Variants in C16orf86 observed in about 807,000 individuals in gnomAD.
C16orf86 encodes uncharacterized protein C16orf86.
Under a neutral mutation model 21.5 loss-of-function variants are expected in C16orf86, and 19 were observed. The observed-to-expected ratio is 0.88, with a 90% CI of 0.62 to 1.30. The LOEUF (loss-of-function observed/expected upper bound fraction) is 1.30. Ranked by LOEUF, C16orf86 falls within the 50% of genes most tolerant of loss-of-function variation. C16orf86 has a pLI of 0.00. For missense variants in C16orf86, 391 were observed against 415.8 expected (o/e 0.94, Z 0.52); for synonymous variants, 188 against 183.5 (o/e 1.02, Z -0.20).
Position 67,668,216 on chromosome 16 carries a change from G to A in C16orf86, c.570G>A (p.Leu190=), listed in dbSNP as rs2053130913. The change falls in exon 4 of 4, where the codon CTG becomes CTA. Residue 190 remains leucine (L), a synonymous_variant. Transcript: ENST00000403458. ...TCTTTGCAGGAAAGGCCCAGCGCCT[G>A]CGGCCGCTGTACCAGTACGTCAACT... ...TLRLERKAQR[L]RPLYQYVNYC... is the part of the protein sequence containing the mutation. The A allele has an allele frequency of 2.5e-6, 4 of 1,578,636 alleles. No homozygotes were observed. Among genetic ancestry groups the A allele is most frequent in the East Asian group, 2.2e-5 (1 of 44,452 alleles).
At position 67,666,889 on chromosome 16, in the gene C16orf86, C is replaced by G. The variant is rs1025623971; in HGVS notation, c.-82C>G. ...TCTGCCCTCGCTTGCTGGCCGGTCTCCGGGGTCAGCGCGGGGCCACCATCC... is the reference window on the plus strand; with the variant it reads ...TCTGCCCTCGCTTGCTGGCCGGTCTGCGGGGTCAGCGCGGGGCCACCATCC... On this transcript the variant is annotated 5_prime_UTR_variant, in exon 1 of 4. Coordinates refer to ENST00000403458, the MANE Select transcript of C16orf86 (RefSeq NM_001012984.3). 2 of 986,946 alleles carry G rather than the reference C, an allele frequency of 2.0e-6. No individual in the cohort carries two copies. Among genetic ancestry groups the G allele is most frequent in the Non-Finnish European group, 2.8e-6 (2 of 717,414 alleles). The allele number at this position is 986,946 out of a possible 1,614,324, so 61.1% of individuals were successfully genotyped here. A position where few individuals can be genotyped will look rare whatever the true frequency, so the allele number is the denominator to read the frequency against.
At position 67,667,143 on chromosome 16, in the gene C16orf86, A is replaced by AC. The variant is rs546589382; in HGVS notation, c.102+74dup. On this transcript the variant is annotated intron_variant, in intron 1 of 3. Transcript: ENST00000403458. ...CTGAGAGGTGGAACTGAGCGCCCCG[A>AC]CCCGCTAACTGCCAGGCTGGGCCCT... is the stretch of plus-strand genomic sequence containing the variant. The AC allele has an allele frequency of 8.5e-4, 1,226 of 1,436,782 alleles. 7 individuals are homozygous for AC. The African/African-American group carries it at 0.015, about 18-fold the overall frequency. 89.0% of individuals were successfully genotyped at this position (1,436,782 alleles called of 1,614,324 possible).
Position 67,668,677 on chromosome 16 carries a change from T to C in C16orf86, c.*77T>C, listed in dbSNP as rs2053138651. 7.2e-7 allele frequency: 1 copy of C among 1,387,076 alleles called. No individual in the cohort carries two copies. Among genetic ancestry groups the C allele is most frequent in the South Asian group, 1.2e-5 (1 of 82,284 alleles). The allele number at this position is 1,387,076 out of a possible 1,614,324, so 85.9% of individuals were successfully genotyped here. On this transcript the variant is annotated 3_prime_UTR_variant, in exon 4 of 4. Coordinates refer to ENST00000403458, the MANE Select transcript of C16orf86 (RefSeq NM_001012984.3). ...AGGCTTCCTGTGGGCCTAGGCCCTCTGGTGGCGGGGGCAAATTTGGCACCT... is the reference window on the plus strand; with the variant it reads ...AGGCTTCCTGTGGGCCTAGGCCCTCCGGTGGCGGGGGCAAATTTGGCACCT...
intron 1 of C16orf86, 70 bp from the exon 2 acceptor site, chr16:67,667,226 G>A (rs2053116226): frequency 6.7e-7 from 1 of 1,499,450 alleles, no homozygotes; most frequent in African/African-American, 1.4e-5. Flanking sequence ...TCTAACGTTA[G>A]GTGTTCAGTG....
intron 3 of C16orf86, 33 bp from the exon 4 acceptor site, chr16:67,668,167 C>T: frequency 7.6e-6 from 12 of 1,583,426 alleles, no homozygotes; most frequent in South Asian, 1.1e-5. Flanking sequence ...CAACCTGGCG[C>T]TCTAGCCTCT....
Position 67,668,541 on chromosome 16 carries a change from A to G in C16orf86, c.895A>G (p.Lys299Glu), listed in dbSNP as rs1373561026. Reference protein sequence around the residue: ...VDKSTQVDIDKMLSVCTAPLV... With the variant: ...VDKSTQVDIDEMLSVCTAPLV... ...TAAGTCAACCCAGGTGGACATCGAC[A>G]AGATGCTGAGTGTCTGCACTGCTCC... The change falls in exon 4 of 4, where the codon AAG (lysine) becomes GAG (glutamate). Residue 299 changes from lysine (K) to glutamate (E), a missense_variant. Transcript: ENST00000403458. 3 of 1,613,512 alleles carry G rather than the reference A, an allele frequency of 1.9e-6. No individual in the cohort carries two copies. Among genetic ancestry groups the G allele is most frequent in the Non-Finnish European group, 2.5e-6 (3 of 1,179,884 alleles).
chr16:67,667,066 C>T lies in C16orf86; in HGVS notation c.96C>T (p.Thr32=), dbSNP rs1378618991. Residue 32 remains threonine, a synonymous_variant, in exon 1 of 4, where the codon ACC becomes ACT. Coordinates refer to ENST00000403458, the MANE Select transcript of C16orf86 (RefSeq NM_001012984.3). ...QLTEEPGSAQ[T]SECPVAGDQF... ...CGGAGGAGCCCGGCAGCGCTCAGAC[C>T]TCCGAGGTGACCGTCAGGCTGTTTA... 1.4e-6 allele frequency: 2 copies of T among 1,455,992 alleles called. No homozygotes were observed. The highest frequency in any genetic ancestry group is 2.6e-5 in the Admixed American group (1 of 37,992). 90.2% of individuals were successfully genotyped at this position (1,455,992 alleles called of 1,614,324 possible). A position where few individuals can be genotyped will look rare whatever the true frequency, so the allele number is the denominator to read the frequency against.
chr16:67,668,569 T>G lies in C16orf86; in HGVS notation c.923T>G (p.Leu308Arg). Reference protein sequence around the residue: ...DKMLSVCTAPLVPPLSPQYK With the variant: ...DKMLSVCTAPRVPPLSPQYK ...ATGCTGAGTGTCTGCACTGCTCCAC[T>G]TGTCCCCCCGCTCTCTCCTCAGTAC... Residue 308 changes from leucine to arginine, a missense_variant, in exon 4 of 4, where the codon CTT becomes CGT. Transcript: ENST00000403458. The G allele has an allele frequency of 6.2e-7, 1 of 1,613,486 alleles. No homozygotes were observed. Among genetic ancestry groups the G allele is most frequent in the Non-Finnish European group, 8.5e-7 (1 of 1,179,864 alleles).
intron 1 of C16orf86, 49 bp from the exon 2 acceptor site, chr16:67,667,243 CCCTA>C: frequency 1.3e-6 from 2 of 1,550,532 alleles, no homozygotes; most frequent in South Asian, 2.3e-5. Flanking sequence ...AGTGACGGAT[CCCTA>C]TGTCCTTTGC....
Position 67,666,940 on chromosome 16 carries a change from G to A in C16orf86, c.-31G>A, listed in dbSNP as rs2053112067. The A allele has an allele frequency of 4.3e-6, 6 of 1,387,540 alleles. No homozygotes were observed. The highest frequency in any genetic ancestry group is 5.6e-6 in the Non-Finnish European group (6 of 1,063,860). 86.0% of individuals were successfully genotyped at this position (1,387,540 alleles called of 1,614,324 possible). A position where few individuals can be genotyped will look rare whatever the true frequency, so the allele number is the denominator to read the frequency against. On this transcript the variant is annotated 5_prime_UTR_variant, in exon 1 of 4. Coordinates refer to ENST00000403458, the MANE Select transcript of C16orf86 (RefSeq NM_001012984.3). ...AGCCCCTTGGGGCCCGCCCCAAGCA[G>A]CTGTCGAGGACGCACTCAGCCTGCG...
rs747304739 is a variant in C16orf86, at chr16:67,667,404, G to A, written c.211G>A (p.Glu71Lys). Residue 71 changes from glutamate (E) to lysine (K), a missense_variant, in exon 2 of 4, where the codon GAA (glutamate) becomes AAA (lysine). Physicochemically the swap from Glu to Lys is moderately conservative, Grantham distance 56 (BLOSUM62 1). Transcript: ENST00000403458. ...GAASESELQE[E>K]GPKLGEERPK... is the part of the protein sequence containing the mutation. Reference sequence around the variant, plus strand: ...AGCTTCGGAGTCGGAGCTCCAGGAGGAAGGACCCAAGCTGGGGGAGGAGCG... The same window carrying A: ...AGCTTCGGAGTCGGAGCTCCAGGAGAAAGGACCCAAGCTGGGGGAGGAGCG... 8.7e-6 allele frequency: 14 copies of A among 1,612,602 alleles called. No homozygotes were observed. In the South Asian group the frequency reaches 1.5e-4, roughly 18 times the overall value.
Position 67,666,998 on chromosome 16 carries a change from C to T in C16orf86, c.28C>T (p.Pro10Ser). MASAGAERR[P>S]GVQEATVVGQ... ...GGCCTCGGCAGGGGCGGAGAGGCGG[C>T]CGGGGGTCCAGGAGGCGACGGTCGT... The change falls in exon 1 of 4, where the codon CCG (proline) becomes TCG (serine). Residue 10 changes from proline (P) to serine (S), a missense_variant. By Grantham distance (74) the Pro-to-Ser change is moderately conservative (BLOSUM62 -1). Coordinates refer to ENST00000403458, the MANE Select transcript of C16orf86 (RefSeq NM_001012984.3). The T allele has an allele frequency of 4.1e-6, 6 of 1,453,364 alleles. No individual in the cohort carries two copies. The highest frequency in any genetic ancestry group is 3.6e-6 in the Non-Finnish European group (4 of 1,110,764). The allele number at this position is 1,453,364 out of a possible 1,614,324, so 90.0% of individuals were successfully genotyped here.
At position 67,668,635 on chromosome 16, in the gene C16orf86, C is replaced by T. The variant is rs775492873; in HGVS notation, c.*35C>T. On this transcript the variant is annotated 3_prime_UTR_variant, in exon 4 of 4. Transcript: ENST00000403458. ...CCCACTGGTGGCTCCCCTCCTTCCACGCCTGAATTTGGCTTCAGGCTTCCT... is the reference window on the plus strand; with the variant it reads ...CCCACTGGTGGCTCCCCTCCTTCCATGCCTGAATTTGGCTTCAGGCTTCCT... The T allele has an allele frequency of 5.6e-6, 9 of 1,605,664 alleles. No individual in the cohort carries two copies. Among genetic ancestry groups the T allele is most frequent in the South Asian group, 3.3e-5 (3 of 90,526 alleles).
Position 67,667,540 on chromosome 16 carries a change from G to C in C16orf86, c.332+15G>C. 2.5e-6 allele frequency: 4 copies of C among 1,587,172 alleles called. No individual in the cohort carries two copies. The highest frequency in any genetic ancestry group is 3.4e-6 in the Non-Finnish European group (4 of 1,167,034). Reference sequence around the variant, plus strand: ...AAGCCTGTCAAGTGAGGGGGCTCTCGGGGGGAAGGAGCTGCAGCCCCGGGG... The same window carrying C: ...AAGCCTGTCAAGTGAGGGGGCTCTCCGGGGGAAGGAGCTGCAGCCCCGGGG... On this transcript the variant is annotated intron_variant, in intron 2 of 3. Coordinates refer to ENST00000403458, the MANE Select transcript of C16orf86 (RefSeq NM_001012984.3).
In C16orf86 at chr16:67,668,490, G is replaced by A; in HGVS notation, c.844G>A (p.Val282Met). ...GCCTGGGGGCTTGCCCAGCTTGGGG[G>A]TGAGTGACCACAAGGCCGAGGTGGA... Reference protein sequence around the residue: ...EEPGGLPSLGVSDHKAEVDKS... With the variant: ...EEPGGLPSLGMSDHKAEVDKS... Residue 282 changes from valine to methionine, a missense_variant, in exon 4 of 4, where the codon GTG (valine) becomes ATG (methionine). Val to Met is a conservative substitution (Grantham distance 21). Transcript: ENST00000403458. The A allele has an allele frequency of 6.2e-7, 1 of 1,613,236 alleles. No homozygotes were observed. Among genetic ancestry groups the A allele is most frequent in the Non-Finnish European group, 8.5e-7 (1 of 1,179,822 alleles).
chr16:67,667,345 G>A lies in C16orf86; in HGVS notation c.152G>A (p.Gly51Glu), dbSNP rs2053117600. Residue 51 changes from glycine to glutamate, a missense_variant, in exon 2 of 4, where the codon GGA (glycine) becomes GAA (glutamate). By Grantham distance (98) the Gly-to-Glu change is moderately conservative (BLOSUM62 -2). Coordinates refer to ENST00000403458, the MANE Select transcript of C16orf86 (RefSeq NM_001012984.3). Reference protein sequence around the residue: ...QFLVPAHEARGTQSEDQRPAG... With the variant: ...QFLVPAHEARETQSEDQRPAG... ...CTGGTGCCTGCCCATGAGGCCCGCG[G>A]AACCCAGAGTGAAGACCAGCGCCCA... is the stretch of plus-strand genomic sequence containing the variant. 1 of 1,612,570 alleles carries A rather than the reference G, an allele frequency of 6.2e-7. No individual in the cohort carries two copies. Among genetic ancestry groups the A allele is most frequent in the African/African-American group, 1.3e-5 (1 of 74,958 alleles).
In C16orf86 at chr16:67,666,915, A is replaced by G. The variant is rs1597784283; in HGVS notation, c.-56A>G. On this transcript the variant is annotated 5_prime_UTR_variant, in exon 1 of 4. Coordinates refer to ENST00000403458, the MANE Select transcript of C16orf86 (RefSeq NM_001012984.3). The stretch of plus-strand genomic sequence containing the variant: ...CGGGGTCAGCGCGGGGCCACCATCC[A>G]GCCCCTTGGGGCCCGCCCCAAGCAG... 3 of 1,248,988 alleles carry G rather than the reference A, an allele frequency of 2.4e-6. No individual in the cohort carries two copies. Among genetic ancestry groups the G allele is most frequent in the East Asian group, 5.6e-5 (2 of 35,686 alleles). The allele number at this position is 1,248,988 out of a possible 1,614,324, so 77.4% of individuals were successfully genotyped here.
chr16:67,667,410 C>G lies in C16orf86; in HGVS notation c.217C>G (p.Pro73Ala). Reference sequence around the variant, plus strand: ...GGAGTCGGAGCTCCAGGAGGAAGGACCCAAGCTGGGGGAGGAGCGGCCCAA... The same window carrying G: ...GGAGTCGGAGCTCCAGGAGGAAGGAGCCAAGCTGGGGGAGGAGCGGCCCAA... Reference protein sequence around the residue: ...ASESELQEEGPKLGEERPKPH... With the variant: ...ASESELQEEGAKLGEERPKPH... Residue 73 changes from proline (P) to alanine (A), a missense_variant, in exon 2 of 4, where the codon CCC (proline) becomes GCC (alanine). By Grantham distance (27) the Pro-to-Ala change is conservative (BLOSUM62 -1). Coordinates refer to ENST00000403458, the MANE Select transcript of C16orf86 (RefSeq NM_001012984.3). 1 of 1,612,502 alleles carries G rather than the reference C, an allele frequency of 6.2e-7. No individual in the cohort carries two copies. The highest frequency in any genetic ancestry group is 8.5e-7 in the Non-Finnish European group (1 of 1,179,818).
chr16:67,668,438 TC>T lies in C16orf86; in HGVS notation c.796del (p.Leu266SerfsTer17). 1 of 1,611,706 alleles carries T rather than the reference TC, an allele frequency of 6.2e-7. No individual in the cohort carries two copies. Among genetic ancestry groups the T allele is most frequent in the Non-Finnish European group, 8.5e-7 (1 of 1,179,430 alleles). On this transcript the variant is annotated frameshift_variant, in exon 4 of 4. Transcript: ENST00000403458. LOFTEE classifies it high-confidence loss of function. ...TAGTGACCCCCACCCATGCCCTGGC[TC>T]CCCTCGGAGAGGAGGCTGGAGAGGA... ...PLVTPTHALA[P>X]LGEEAGEEPG...
Sources: gnomAD v4.1 joint callset for allele counts on GRCh38, gnomAD v4.1.1 for gene constraint, MANE v1.5 for transcripts, NCBI Gene and HGNC (gene_info 2026-07-23, HGNC 2026-07-21) for gene names.